The following CNBD1 variants were observed in gnomAD, a reference collection of about 807,000 sequenced individuals.
CNBD1 encodes the protein cyclic nucleotide-binding domain-containing protein 1.
A neutral mutation model predicts 54.4 loss-of-function variants in CNBD1; 71 were observed. The ratio of observed to expected loss-of-function variants is 1.30; its 90% CI spans 1.08 to 1.59. The LOEUF is 1.59. Ranked by LOEUF, CNBD1 falls within the 40% of genes most tolerant of loss-of-function variation. CNBD1 has a pLI of 0.00. For synonymous variants in CNBD1, 182 were observed against 170.7 expected, an observed-to-expected ratio of 1.07 and a Z score of -0.51; for missense variants, 659 against 518.0, an observed-to-expected ratio of 1.27 and a Z score of -2.64.
In CNBD1 at chr8:87,398,296, T is replaced by A. The variant is rs139536399; in HGVS notation, c.214-30250T>A. 4.8e-3 allele frequency among the ~76,000 whole-genome samples: 731 copies of A among 151,882 alleles called. 5 individuals are homozygous for A. Among genetic ancestry groups the A allele is most frequent in the Non-Finnish European group, 7.7e-3 (521 of 67,914 alleles). On this transcript the variant is annotated intron_variant, in intron 2 of 7. Coordinates refer to the CNBD1 transcript ENST00000521593. ...TTAAAAATTAGACATTTTCCATTTC[T>A]AGTACCATCCAATTTTATTCCTATT...
At chr8:87,105,414 G>A (rs1811513342) in intron 4 of CNBD1, among the ~76,000 whole-genome samples, 1 of 152,178 alleles carries the variant, frequency 6.6e-6, no homozygotes. Flanking sequence ...ATAATGGTAT[G>A]ATCTTAGGGT....
At chr8:87,080,283 C>A (rs1436114021) in intron 4 of CNBD1, among the ~76,000 whole-genome samples, 2 of 152,098 alleles carry the variant, frequency 1.3e-5, no homozygotes, top group Non-Finnish European at 2.9e-5. Flanking sequence ...CAGTGTAATA[C>A]TTAAAAATTG....
At chr8:86,951,582 A>ATCAC (rs1491168150) in intron 4 of CNBD1, among the ~76,000 whole-genome samples, 1 of 62,000 alleles carries the variant, frequency 1.6e-5, no homozygotes, top group East Asian at 3.3e-4. Context: ...TCCGTCTCAC[A>ATCAC]AAAAAAAAAA....
chr8:86,928,180 G>A (rs948775194), intron 3 of CNBD1, among the ~76,000 whole-genome samples: 12 of 152,166 alleles, frequency 7.9e-5, no homozygotes, highest in African/African-American at 2.6e-4. Flanking sequence ...TTGATATCTT[G>A]CCAAAGAAGT....
In CNBD1 at chr8:87,305,390, G is replaced by A. The variant is rs187305287; in HGVS notation, c.1042+18719G>A. On this transcript the variant is annotated intron_variant, in intron 8 of 10. Coordinates refer to ENST00000518476, the MANE Select transcript of CNBD1 (RefSeq NM_173538.3). ...CAAAATACCACCATCATTCTTCAGA[G>A]AATTAGAAAAAACAATTCTAAAATT... 2.8e-4 allele frequency among the ~76,000 whole-genome samples: 42 copies of A among 152,102 alleles called. No individual in the cohort carries two copies. The East Asian group carries it at 7.4e-3, about 27-fold the overall frequency.
At chr8:87,078,450 G>A (rs183617719) in intron 4 of CNBD1, among the ~76,000 whole-genome samples, 4 of 152,274 alleles carry the variant, frequency 2.6e-5, no homozygotes, top group East Asian at 3.9e-4. Flanking sequence ...CAAATGCCAC[G>A]AGAATAATTT....
intron 10 of CNBD1, among the ~76,000 whole-genome samples, chr8:87,373,602 GA>G (rs1430455742): frequency 6.6e-6 from 1 of 151,674 alleles, no homozygotes; most frequent in Non-Finnish European, 1.5e-5. Context: ...CTTCATTTAG[GA>G]AATAGTTTGT....
At chr8:87,018,069 C>T (rs1809405212) in intron 4 of CNBD1, among the ~76,000 whole-genome samples, 1 of 152,058 alleles carries the variant, frequency 6.6e-6, no homozygotes, top group Admixed American at 6.6e-5. Flanking sequence ...CATGGAGAAA[C>T]CCCATCTCTA....
At chr8:86,942,556 A>T (rs1807355638) in intron 4 of CNBD1, among the ~76,000 whole-genome samples, 1 of 152,212 alleles carries the variant, frequency 6.6e-6, no homozygotes, top group East Asian at 1.9e-4. Context: ...GACTCCCTAG[A>T]TCCTTGCCAT....
At chr8:87,315,706 T>TA (rs759279208) in intron 8 of CNBD1, among the ~76,000 whole-genome samples, 1 of 151,972 alleles carries the variant, frequency 6.6e-6, no homozygotes. Flanking sequence ...TTTGGAGGGG[T>TA]AAAATATCCA....
intron 4 of CNBD1, among the ~76,000 whole-genome samples, chr8:86,983,598 G>A (rs1393533516): frequency 2.0e-5 from 3 of 152,140 alleles, no homozygotes; most frequent in African/African-American, 7.2e-5. Flanking sequence ...TCCAGACTAA[G>A]GTGGTCTTAG....
chr8:87,032,807 G>A (rs919408687), intron 4 of CNBD1, among the ~76,000 whole-genome samples: 4 of 152,152 alleles, frequency 2.6e-5, no homozygotes, highest in Non-Finnish European at 5.9e-5. Flanking sequence ...CCTTCTGCCA[G>A]ATTGTCTGAT....
At chr8:86,898,621 A>G (rs1808882599) in intron 2 of CNBD1, among the ~76,000 whole-genome samples, 1 of 152,210 alleles carries the variant, frequency 6.6e-6, no homozygotes, top group Non-Finnish European at 1.5e-5. Context: ...TCCATATCCA[A>G]TAAATATATG....
intron 10 of CNBD1, among the ~76,000 whole-genome samples, chr8:87,362,989 T>A (rs1810553929): frequency 1.3e-5 from 2 of 152,076 alleles, no homozygotes; most frequent in South Asian, 2.1e-4. Context: ...TTTCTCCTAA[T>A]GCTATCCCTC....
chr8:87,335,164 G>T (rs1809919024), intron 8 of CNBD1, among the ~76,000 whole-genome samples: 2 of 152,164 alleles, frequency 1.3e-5, no homozygotes. Context: ...GTGGCACTGA[G>T]AATAATGTAT....
At chr8:87,062,128 C>T (rs975239951) in intron 4 of CNBD1, among the ~76,000 whole-genome samples, 1 of 152,172 alleles carries the variant, frequency 6.6e-6, no homozygotes. Context: ...AATTATTAGC[C>T]AACTACTGAG....
At chr8:86,876,720 A>G (rs969862141) in intron 1 of CNBD1, among the ~76,000 whole-genome samples, 2 of 151,898 alleles carry the variant, frequency 1.3e-5, no homozygotes, top group Non-Finnish European at 2.9e-5. Flanking sequence ...CCATAGGTTC[A>G]TGAAAGGCTT....
intron 2 of CNBD1, among the ~76,000 whole-genome samples, chr8:87,426,698 A>T (rs910350292): frequency 6.6e-6 from 1 of 152,134 alleles, no homozygotes; most frequent in Non-Finnish European, 1.5e-5. Flanking sequence ...TTCTGTGAGG[A>T]CTACATGAAA....
chr8:87,186,526 AAAC>A (rs2130782152), intron 4 of CNBD1, among the ~76,000 whole-genome samples: 1 of 152,260 alleles, frequency 6.6e-6, no homozygotes, highest in East Asian at 1.9e-4. Context: ...ATAAACAAAC[AAAC>A]AACAAAAATA....
Sources: allele counts gnomAD v4.1 joint callset (sites outside exome capture counted in the v4.1 genomes callset), GRCh38; gene constraint gnomAD v4.1.1; transcripts MANE v1.5; gene names NCBI Gene and HGNC (gene_info 2026-07-23, HGNC 2026-07-21).